The following KCNH1 variants were observed in gnomAD, a reference collection of about 807,000 sequenced individuals.
The protein encoded by KCNH1 is voltage-gated delayed rectifier potassium channel KCNH1.
A neutral mutation model predicts 69.2 loss-of-function variants in KCNH1; 27 were observed. The observed-to-expected ratio is 0.39, with a 90% CI of 0.29 to 0.54. The LOEUF (loss-of-function observed/expected upper bound fraction) is 0.54. Among genes scored for constraint, KCNH1 ranks in the 20% least tolerant of loss-of-function variants. KCNH1 has a pLI of 0.68. For missense variants in KCNH1, 798 were observed against 1,261.6 expected, an observed-to-expected ratio of 0.63 and a Z score of 5.57; for synonymous variants, 456 against 487.7, an observed-to-expected ratio of 0.93 and a Z score of 0.86.
chr1:210,826,137 T>C lies in KCNH1; in HGVS notation c.1463-21971A>G, dbSNP rs370815615. 1.0e-3 allele frequency among the ~76,000 whole-genome samples: 153 copies of C among 152,358 alleles called. 2 individuals carry two copies. The South Asian group carries it at 0.012, about 12-fold the overall frequency. On this transcript the variant is annotated intron_variant, in intron 7 of 10. Transcript: ENST00000271751. Reference sequence around the variant, plus strand: ...CACAAAAGTATTAGTGTGAGATGGATTGAATTTTTTTTCAAAATTAAAAAC... The same window carrying C: ...CACAAAAGTATTAGTGTGAGATGGACTGAATTTTTTTTCAAAATTAAAAAC...
At chr1:211,094,457 G>A (rs1691109576) in intron 3 of KCNH1, among the ~76,000 whole-genome samples, 1 of 152,202 alleles carries the variant, frequency 6.6e-6, no homozygotes, top group Non-Finnish European at 1.5e-5. Flanking sequence ...TCATGGACAG[G>A]GAAGTTAAGT....
intron 2 of KCNH1, 147 bp downstream of exon 2, chr1:211,107,107 C>T (rs1691360388): frequency 2.4e-6 from 2 of 823,344 alleles, no homozygotes; most frequent in Admixed American, 4.4e-5. Flanking sequence ...CTGTACAGTA[C>T]ATGAACTAGA....
At chr1:210,872,282 C>T (rs1229364639) in intron 7 of KCNH1, among the ~76,000 whole-genome samples, 1 of 151,862 alleles carries the variant, frequency 6.6e-6, no homozygotes, top group East Asian at 1.9e-4. Flanking sequence ...TCTTTCCATA[C>T]ACTCTGCATA....
chr1:211,005,501 G>A (rs1689263785), intron 6 of KCNH1, among the ~76,000 whole-genome samples: 1 of 152,122 alleles, frequency 6.6e-6, no homozygotes. Context: ...CTGAAGACAA[G>A]TGAAGAAAGG....
intron 6 of KCNH1, among the ~76,000 whole-genome samples, chr1:210,971,395 A>G (rs1033060903): frequency 2.6e-5 from 4 of 152,208 alleles, no homozygotes; most frequent in Non-Finnish European, 5.9e-5. Context: ...CAATTGTTAA[A>G]TTTTCAGAAA....
intron 7 of KCNH1, among the ~76,000 whole-genome samples, chr1:210,903,101 C>T (rs1323391643): frequency 6.7e-6 from 1 of 148,414 alleles, no homozygotes; most frequent in Non-Finnish European, 1.5e-5. Flanking sequence ...GCCTCCATGC[C>T]CTGCCATCTC....
chr1:210,833,351 A>T (rs536787284), intron 7 of KCNH1, among the ~76,000 whole-genome samples: 1 of 152,288 alleles, frequency 6.6e-6, no homozygotes, highest in East Asian at 1.9e-4. Flanking sequence ...GATCAATGGA[A>T]CAGAACAGAG....
rs138779570 is a variant in KCNH1, at chr1:210,854,381, T to C, written c.1463-50215A>G. Among the ~76,000 whole-genome samples the C allele has an allele frequency of 8.5e-3, 1,298 of 152,242 alleles. 5 individuals are homozygous for C. The highest frequency in any genetic ancestry group is 0.015 in the Non-Finnish European group (992 of 68,018). On this transcript the variant is annotated intron_variant, in intron 7 of 10. Coordinates refer to ENST00000271751, the MANE Select transcript of KCNH1 (RefSeq NM_172362.3). ...CTAGTCCAAGAAAAGGGATGAATAA[T>C]CAAAGCCTAATTCCAATGTGGTCAA...
chr1:210,856,898 T>TATATATATATATATATATATATATAAAA (rs1410330503), intron 7 of KCNH1, among the ~76,000 whole-genome samples: 1 of 121,692 alleles, frequency 8.2e-6, no homozygotes, highest in African/African-American at 2.8e-5. Context: ...TATATATATA[T>TATATATATATATATATATATATATAAAA]AAAATACTCA....
At chr1:210,873,797 A>G (rs1156613168) in intron 7 of KCNH1, among the ~76,000 whole-genome samples, 2 of 150,362 alleles carry the variant, frequency 1.3e-5, no homozygotes, top group African/African-American at 5.0e-5. Context: ...TTATGAAAAT[A>G]AAAGACTTAA....
At chr1:211,125,688 G>C (rs1296055717) in intron 1 of KCNH1, among the ~76,000 whole-genome samples, 1 of 152,152 alleles carries the variant, frequency 6.6e-6, no homozygotes, top group Non-Finnish European at 1.5e-5. Flanking sequence ...GTTGCTTTAA[G>C]GGAAGAAAAA....
intron 10 of KCNH1, among the ~76,000 whole-genome samples, chr1:210,704,622 T>C (rs767333459): frequency 4.6e-5 from 7 of 152,238 alleles, no homozygotes; most frequent in Non-Finnish European, 8.8e-5. Flanking sequence ...TGTCCTTATT[T>C]TGTATAAATG....
At chr1:210,882,254 G>T (rs963826384) in intron 7 of KCNH1, among the ~76,000 whole-genome samples, 1 of 152,098 alleles carries the variant, frequency 6.6e-6, no homozygotes, top group African/African-American at 2.4e-5. Context: ...AAAGTAAGTG[G>T]TTTTCACAGA....
chr1:211,063,181 A>G (rs769478738), intron 5 of KCNH1, among the ~76,000 whole-genome samples: 2 of 152,194 alleles, frequency 1.3e-5, no homozygotes, highest in Admixed American at 1.3e-4. Context: ...AGTGGAGTCT[A>G]TTCAGTGAAA....
chr1:211,032,370 C>G (rs1025489109), intron 5 of KCNH1, among the ~76,000 whole-genome samples: 2 of 152,178 alleles, frequency 1.3e-5, no homozygotes, highest in Non-Finnish European at 2.9e-5. Flanking sequence ...CCATCCCCAT[C>G]AAGCTATCAA....
At chr1:210,753,602 C>T (rs1268880843) in intron 10 of KCNH1, among the ~76,000 whole-genome samples, 2 of 152,170 alleles carry the variant, frequency 1.3e-5, no homozygotes, top group Non-Finnish European at 2.9e-5. Flanking sequence ...CAGCCAAAGA[C>T]TCAGGATCAT....
At chr1:210,868,438 T>G (rs1188076051) in intron 7 of KCNH1, among the ~76,000 whole-genome samples, 1 of 151,970 alleles carries the variant, frequency 6.6e-6, no homozygotes, top group Non-Finnish European at 1.5e-5. Context: ...TTTTTTCTTT[T>G]ATGTTTCAAA....
intron 10 of KCNH1, among the ~76,000 whole-genome samples, chr1:210,728,910 C>G (rs982562673): frequency 6.6e-6 from 1 of 152,222 alleles, no homozygotes; most frequent in African/African-American, 2.4e-5. Flanking sequence ...CTAAAGGGCC[C>G]TCATTAGTAG....
At chr1:210,872,853 G>A (rs569507393) in intron 7 of KCNH1, among the ~76,000 whole-genome samples, 2 of 152,130 alleles carry the variant, frequency 1.3e-5, no homozygotes, top group Non-Finnish European at 1.5e-5. Context: ...GGATTTGGGT[G>A]GGGACACAGA....
Sources: allele counts gnomAD v4.1 joint callset (sites outside exome capture counted in the v4.1 genomes callset), GRCh38; gene constraint gnomAD v4.1.1; transcripts MANE v1.5; gene names NCBI Gene and HGNC (gene_info 2026-07-23, HGNC 2026-07-21).